Variants in CHN1 observed in about 807,000 individuals in gnomAD.
CHN1 encodes the protein chimerin 1.
In CHN1, 37 loss-of-function variants were observed where a neutral mutation model predicts 59.5. The ratio of observed to expected loss-of-function variants is 0.62; its 90% CI spans 0.48 to 0.82. The LOEUF is 0.82. CHN1 is among the 40% of genes least tolerant of loss of function. The probability of loss-of-function intolerance (pLI) is 0.00; values close to 1 mark genes in which losing one functional copy is unlikely to be tolerated. For synonymous variants in CHN1, 206 were observed against 200.4 expected (o/e 1.03, Z -0.24); for missense variants, 469 against 571.0 (o/e 0.82, Z 1.82).
At chr2:174,855,482 C>G (rs1194010530) in intron 6 of CHN1, among the ~76,000 whole-genome samples, 1 of 152,160 alleles carries the variant, frequency 6.6e-6, no homozygotes, top group Non-Finnish European at 1.5e-5. Flanking sequence ...CAAGTTATAA[C>G]ATAAACATTT....
At chr2:174,835,842 T>G (rs1686057527) in intron 7 of CHN1, among the ~76,000 whole-genome samples, 1 of 151,568 alleles carries the variant, frequency 6.6e-6, no homozygotes, top group Non-Finnish European at 1.5e-5. Flanking sequence ...TAACCAATGC[T>G]CCATGTGTTG....
chr2:174,938,987 T>G (rs7571082), intron 3 of CHN1, among the ~76,000 whole-genome samples: 5 of 152,208 alleles, frequency 3.3e-5, no homozygotes, highest in Non-Finnish European at 5.9e-5. Context: ...AAAGTGGAAA[T>G]GATGAATACA....
chr2:174,926,499 T>G (rs1250858917), intron 3 of CHN1, among the ~76,000 whole-genome samples: 2 of 152,192 alleles, frequency 1.3e-5, no homozygotes, highest in Admixed American at 6.5e-5. Flanking sequence ...TTTATTCTGT[T>G]GACTTTCACC....
intron 3 of CHN1, among the ~76,000 whole-genome samples, chr2:174,932,457 G>A (rs1689377577): frequency 6.6e-6 from 1 of 152,162 alleles, no homozygotes; most frequent in South Asian, 2.1e-4. Context: ...AAGAGGCTGC[G>A]AAAATTTAGG....
At chr2:174,983,036 T>C (rs1470291397) in intron 1 of CHN1, among the ~76,000 whole-genome samples, 4 of 152,020 alleles carry the variant, frequency 2.6e-5, no homozygotes, top group Non-Finnish European at 4.4e-5. Flanking sequence ...AACTAACTTA[T>C]AGTGTTAGAT....
intron 1 of CHN1, among the ~76,000 whole-genome samples, chr2:175,000,059 C>T (rs190271328): frequency 2.6e-5 from 4 of 151,998 alleles, no homozygotes; most frequent in Non-Finnish European, 5.9e-5. Flanking sequence ...TTACATAGTA[C>T]CAGCTCTCCA....
intron 8 of CHN1, among the ~76,000 whole-genome samples, chr2:174,820,317 C>T (rs1269197337): frequency 3.3e-5 from 5 of 152,190 alleles, no homozygotes; most frequent in Non-Finnish European, 7.4e-5. Context: ...TCTCCACATC[C>T]TCTCCAGCAC....
At chr2:174,952,785 G>A (rs1690063781) in intron 1 of CHN1, among the ~76,000 whole-genome samples, 1 of 152,160 alleles carries the variant, frequency 6.6e-6, no homozygotes, top group African/African-American at 2.4e-5. Context: ...TGTATCTAGG[G>A]AACCACAACG....
chr2:174,886,314 C>T (rs921473154), intron 5 of CHN1, among the ~76,000 whole-genome samples: 1 of 152,148 alleles, frequency 6.6e-6, no homozygotes. Context: ...CTTGGTGACT[C>T]AAGTTTATTA....
At chr2:174,898,211 T>C (rs923331081) in intron 5 of CHN1, among the ~76,000 whole-genome samples, 1 of 152,088 alleles carries the variant, frequency 6.6e-6, no homozygotes, top group African/African-American at 2.4e-5. Context: ...ATGGAACTAG[T>C]CAGGGCCTCT....
intron 3 of CHN1, among the ~76,000 whole-genome samples, chr2:174,928,218 A>G (rs1200266520): frequency 6.6e-6 from 1 of 152,248 alleles, no homozygotes; most frequent in Non-Finnish European, 1.5e-5. Flanking sequence ...AGCCACTGCC[A>G]CTGCCTCGTG....
intron 2 of CHN1, among the ~76,000 whole-genome samples, chr2:174,945,850 C>T (rs889015588): frequency 2.0e-5 from 3 of 151,872 alleles, no homozygotes; most frequent in Non-Finnish European, 4.4e-5. Flanking sequence ...CATTCATATA[C>T]ATCATAGGGA....
rs1452646990 is a variant in CHN1, at chr2:174,928,731, A to G, written c.115-10166T>C. ...AGGCCAAAGCCAAGGAAAGGCTAGA[A>G]TCAGATAACCTGAGAAAATGTGCTG... is the stretch of plus-strand genomic sequence containing the variant. On this transcript the variant is annotated intron_variant, in intron 3 of 12. Transcript: ENST00000409900. 5.3e-5 allele frequency among the ~76,000 whole-genome samples: 8 copies of G among 152,228 alleles called. No homozygotes were observed. In the East Asian group the frequency reaches 1.5e-3, roughly 29 times the overall value.
chr2:174,917,057 G>A lies in CHN1; in HGVS notation c.146+1477C>T, dbSNP rs940068042. 2.0e-5 allele frequency among the ~76,000 whole-genome samples: 3 copies of A among 152,176 alleles called. No homozygotes were observed. In the South Asian group the frequency reaches 6.2e-4, roughly 32 times the overall value. On this transcript the variant is annotated intron_variant, in intron 4 of 12. Transcript: ENST00000409900. ...AAACACAAAGAATTAGCTGGATGTGGTGGCAGTTGCCTGTAGTCCCAGCTA... is the reference window on the plus strand; with the variant it reads ...AAACACAAAGAATTAGCTGGATGTGATGGCAGTTGCCTGTAGTCCCAGCTA...
intron 1 of CHN1, among the ~76,000 whole-genome samples, chr2:174,995,641 C>A (rs973864525): frequency 6.6e-6 from 1 of 152,098 alleles, no homozygotes; most frequent in African/African-American, 2.4e-5. Flanking sequence ...GGGGGTGGAG[C>A]GCAGGTGTTA....
Position 174,808,939 on chromosome 2 carries a change from T to C in CHN1, c.1068A>G (p.Thr356=), listed in dbSNP as rs1684990503. Residue 356 remains threonine, a synonymous_variant, in exon 11 of 13, where the codon ACA becomes ACG. Coordinates refer to ENST00000409900, the MANE Select transcript of CHN1 (RefSeq NM_001822.7). Reference sequence around the variant, plus strand: ...CTATAAACTTAGGGTAGGCATCATATGTAATGAGTGGAATTGGCAAATCCC... The same window carrying C: ...CTATAAACTTAGGGTAGGCATCATACGTAATGAGTGGAATTGGCAAATCCC... ...YFRDLPIPLI[T]YDAYPKFIES... 1.2e-6 allele frequency: 2 copies of C among 1,613,656 alleles called. No homozygotes were observed. The highest frequency in any genetic ancestry group is 1.7e-5 in the Admixed American group (1 of 60,000).
chr2:174,845,781 T>TG (rs61145499), intron 7 of CHN1, among the ~76,000 whole-genome samples: 3,689 of 76,446 alleles, frequency 0.048, 123 homozygotes, highest in South Asian at 0.18. Context: ...AGCATATGGG[T>TG]GGGGGGGGGG....
At chr2:174,877,124 A>T (rs1687590998) in intron 6 of CHN1, among the ~76,000 whole-genome samples, 1 of 152,166 alleles carries the variant, frequency 6.6e-6, no homozygotes. Context: ...GGGGGTGAGG[A>T]GGAGGCTGGT....
chr2:174,854,001 G>A (rs1686824854), intron 6 of CHN1, among the ~76,000 whole-genome samples: 1 of 152,050 alleles, frequency 6.6e-6, no homozygotes, highest in Non-Finnish European at 1.5e-5. Flanking sequence ...CGCTACCTGA[G>A]TGCAATATAC....
Sources: allele counts gnomAD v4.1 joint callset (sites outside exome capture counted in the v4.1 genomes callset), GRCh38; gene constraint gnomAD v4.1.1; transcripts MANE v1.5; gene names NCBI Gene and HGNC (gene_info 2026-07-23, HGNC 2026-07-21).